The following TTC7A variants were observed in gnomAD, a reference collection of about 807,000 sequenced individuals.
TTC7A encodes the protein tetratricopeptide repeat protein 7A.
TTC7A carries 110 observed loss-of-function variants against 103.7 expected under a neutral mutation model. That is an observed-to-expected ratio of 1.06 (90% CI 0.91 to 1.24). TTC7A has a LOEUF of 1.24. Ranked by LOEUF, TTC7A falls within the 50% of genes most tolerant of loss-of-function variation. TTC7A has a pLI of 0.00. For missense variants in TTC7A, 1,340 were observed against 1,116.3 expected (o/e 1.20, Z -2.86); for synonymous variants, 521 against 467.9 (o/e 1.11, Z -1.47).
intron 15 of TTC7A, among the ~76,000 whole-genome samples, chr2:47,041,980 G>A (rs192726654): frequency 9.5e-4 from 144 of 152,140 alleles, no homozygotes; most frequent in African/African-American, 3.3e-3. Context: ...TATGAGATTC[G>A]AAGAAAGACG....
In TTC7A at chr2:46,999,764, C is replaced by G. The variant is rs897725937; in HGVS notation, c.1065+4565C>G. On this transcript the variant is annotated intron_variant, in intron 8 of 19. Coordinates refer to ENST00000319190, the MANE Select transcript of TTC7A (RefSeq NM_020458.4). Reference sequence around the variant, plus strand: ...TCTTTCTTATTTCTGAAATACTGATCTGGGGCATAAAAATATGTGCTAAAG... The same window carrying G: ...TCTTTCTTATTTCTGAAATACTGATGTGGGGCATAAAAATATGTGCTAAAG... 5 of 985,336 alleles carry G rather than the reference C, an allele frequency of 5.1e-6. No homozygotes were observed. In the African/African-American group the frequency reaches 7.0e-5, roughly 14 times the overall value. 61.0% of individuals were successfully genotyped at this position (985,336 alleles called of 1,614,324 possible). A position where few individuals can be genotyped will look rare whatever the true frequency, so the allele number is the denominator to read the frequency against.
intron 5 of TTC7A, among the ~76,000 whole-genome samples, chr2:46,979,979 G>A (rs1674276445): frequency 6.6e-6 from 1 of 152,180 alleles, no homozygotes; most frequent in Admixed American, 6.5e-5. Flanking sequence ...AGGCCCAGTA[G>A]GTGTGACCAC....
chr2:46,974,931 G>A (rs369021072), intron 3 of TTC7A, 42 bp from the exon 4 acceptor site: 2 of 1,601,924 alleles, frequency 1.2e-6, no homozygotes, highest in Non-Finnish European at 1.7e-6. Flanking sequence ...GAGTCAGGGG[G>A]CCCGAGCAGG....
At chr2:46,999,461 C>A in intron 8 of TTC7A, 1 of 985,058 alleles carries the variant, frequency 1.0e-6, no homozygotes, top group Non-Finnish European at 1.2e-6. Context: ...ATCCACCCAC[C>A]ATGTATCCAT....
intron 16 of TTC7A, 23 bp from the exon 17 acceptor site, chr2:47,049,926 C>T (rs1008506459): frequency 2.5e-6 from 4 of 1,601,652 alleles, no homozygotes; most frequent in African/African-American, 2.7e-5. Flanking sequence ...CTTACCGGAC[C>T]CTGGCCCTCT....
intron 11 of TTC7A, among the ~76,000 whole-genome samples, chr2:47,016,234 TCAAAACA>T (rs1472789519): frequency 1.1e-4 from 17 of 152,004 alleles, no homozygotes; most frequent in African/African-American, 4.1e-4. Flanking sequence ...AAACAAAGGA[TCAAAACA>T]TTATGTCCTT....
intron 3 of TTC7A, among the ~76,000 whole-genome samples, chr2:46,960,172 G>A (rs966639911): frequency 6.6e-6 from 1 of 152,106 alleles, no homozygotes; most frequent in Admixed American, 6.6e-5. Flanking sequence ...GGGCCCTGCT[G>A]GAGGCTCTGG....
chr2:46,954,322 G>A (rs774106445), intron 2 of TTC7A, among the ~76,000 whole-genome samples: 43 of 152,170 alleles, frequency 2.8e-4, no homozygotes, highest in Non-Finnish European at 5.1e-4. Flanking sequence ...GACCTCCCCC[G>A]TGGCACCCTC....
At chr2:46,961,009 G>T (rs1182574800) in intron 3 of TTC7A, among the ~76,000 whole-genome samples, 1 of 152,180 alleles carries the variant, frequency 6.6e-6, no homozygotes, top group African/African-American at 2.4e-5. Flanking sequence ...CAGAAAATTT[G>T]CTTTTATATT....
chr2:47,073,890 A>G lies in TTC7A; in HGVS notation c.2544A>G (p.Val848=), dbSNP rs3739099. Residue 848 remains valine, a synonymous_variant, in exon 20 of 20, where the codon GTA becomes GTG. Transcript: ENST00000319190. ...TTGAGCTGGAGGCCAGCAGCCCTGT[A>G]CTGCCCTTCTCCATCATCCCCAGAG... ...TALELEASSP[V]LPFSIIPREL 196,662 of 1,612,726 alleles carry G rather than the reference A, an allele frequency of 0.12. 23,292 individuals are homozygous for G. Among genetic ancestry groups the G allele is most frequent in the East Asian group, 0.66 (29,549 of 44,846 alleles).
intron 2 of TTC7A, among the ~76,000 whole-genome samples, chr2:46,931,710 A>ATAAG (rs1669718206): frequency 6.6e-6 from 1 of 151,860 alleles, no homozygotes; most frequent in East Asian, 1.9e-4. Context: ...AAATAAATAA[A>ATAAG]TAAATAAATA....
At chr2:47,064,469 A>G (rs527674291) in intron 19 of TTC7A, among the ~76,000 whole-genome samples, 10 of 152,354 alleles carry the variant, frequency 6.6e-5, no homozygotes, top group African/African-American at 2.2e-4. Context: ...GGGAAACGTG[A>G]GAAGGAAGGC....
chr2:47,071,656 A>C (rs1429111553), intron 19 of TTC7A, among the ~76,000 whole-genome samples: 1 of 152,174 alleles, frequency 6.6e-6, no homozygotes, highest in Non-Finnish European at 1.5e-5. Flanking sequence ...CAACCTGGCC[A>C]GGGCTTCCGG....
chr2:46,975,165 C>G lies in TTC7A; in HGVS notation c.648+62C>G, dbSNP rs1673752673. On this transcript the variant is annotated intron_variant, in intron 4 of 19. Transcript: ENST00000319190. ...CTATTGAGCACCTATGTCTATGGAT[C>G]CCACTAAACCCATAGGTCACCTGTG... 18 of 1,592,378 alleles carry G rather than the reference C, an allele frequency of 1.1e-5. No individual in the cohort carries two copies. The South Asian group carries it at 2.0e-4, about 18-fold the overall frequency.
At chr2:46,939,130 AAAAATAATAGT>A (rs1192431591), upstream of TTC7A, among the ~76,000 whole-genome samples, 1 of 152,192 alleles carries the variant, frequency 6.6e-6, no homozygotes, top group Non-Finnish European at 1.5e-5. Flanking sequence ...ATAATAAATT[AAAAATAATAGT>A]AAAATAAAGT....
intron 15 of TTC7A, among the ~76,000 whole-genome samples, chr2:47,041,256 A>G (rs1681713703): frequency 6.6e-6 from 1 of 152,164 alleles, no homozygotes; most frequent in Non-Finnish European, 1.5e-5. Flanking sequence ...AGCTATGGGG[A>G]ATCAAGTAAC....
intron 18 of TTC7A, among the ~76,000 whole-genome samples, chr2:47,052,572 G>A (rs1465097096): frequency 6.6e-6 from 1 of 152,208 alleles, no homozygotes; most frequent in Non-Finnish European, 1.5e-5. Context: ...TCTTAACACC[G>A]GCTTATGAAT....
Position 47,076,099 on chromosome 2 carries a change from C to T in TTC7A, c.*2176C>T, listed in dbSNP as rs1685185261. The T allele has an allele frequency of 6.6e-6, 1 of 152,228 alleles. No homozygotes were observed. Among genetic ancestry groups the T allele is most frequent in the Non-Finnish European group, 1.5e-5 (1 of 68,044 alleles). 9.4% of individuals were successfully genotyped at this position (152,228 alleles called of 1,614,324 possible). ...TACCAACGTACTGTGGATATTATAACCTGCATTAAAACAACTCTAAAGAAC... is the reference window on the plus strand; with the variant it reads ...TACCAACGTACTGTGGATATTATAATCTGCATTAAAACAACTCTAAAGAAC... On this transcript the variant is annotated 3_prime_UTR_variant, in exon 20 of 20. Coordinates refer to ENST00000319190, the MANE Select transcript of TTC7A (RefSeq NM_020458.4).
In TTC7A at chr2:46,941,562, C is replaced by A; in HGVS notation, c.21C>A (p.His7Gln). The change falls in exon 1 of 20, where the codon CAC (histidine) becomes CAA (glutamine). Residue 7 changes from histidine to glutamine, a missense_variant. Physicochemically the swap from His to Gln is conservative, Grantham distance 24. Coordinates refer to ENST00000319190, the MANE Select transcript of TTC7A (RefSeq NM_020458.4). This position sits in a 1 kb window ranked among gnomAD's most constrained non-coding sequence, Gnocchi z 4.2. MAAKGA[H>Q]GSYLKVESEL... ...AGAAGATGGCTGCGAAGGGCGCGCA[C>A]GGCTCCTACCTGAAGGTGGAGAGCG... 1 of 1,556,046 alleles carries A rather than the reference C, an allele frequency of 6.4e-7. No homozygotes were observed. The highest frequency in any genetic ancestry group is 8.7e-7 in the Non-Finnish European group (1 of 1,150,388).
Sources: allele counts gnomAD v4.1 joint callset (sites outside exome capture counted in the v4.1 genomes callset), GRCh38; gene constraint gnomAD v4.1.1; non-coding constraint Gnocchi (gnomAD v3.1); transcripts MANE v1.5; gene names NCBI Gene and HGNC (gene_info 2026-07-23, HGNC 2026-07-21).